Variants in AGPAT4 observed in about 807,000 individuals in gnomAD.
AGPAT4 encodes 1-acyl-sn-glycerol-3-phosphate acyltransferase delta.
Under a neutral mutation model 48.0 loss-of-function variants are expected in AGPAT4, and 15 were observed. That is an observed-to-expected ratio of 0.31 (90% CI 0.21 to 0.48). AGPAT4 has a LOEUF of 0.48. Ranked by LOEUF, AGPAT4 falls within the 20% of genes least tolerant of loss-of-function variation. The probability of loss-of-function intolerance (pLI) is 0.99; values close to 1 mark genes in which losing one functional copy is unlikely to be tolerated. For synonymous variants in AGPAT4, 178 were observed against 198.7 expected, an observed-to-expected ratio of 0.90 and a Z score of 0.88; for missense variants, 314 against 482.5, an observed-to-expected ratio of 0.65 and a Z score of 3.27.
rs1243494911 is a variant in AGPAT4, at chr6:161,161,928, C to T, written c.348+4320G>A. On this transcript the variant is annotated intron_variant, in intron 3 of 8. Transcript: ENST00000320285. This position sits in a 1 kb window ranked among gnomAD's most constrained non-coding sequence, Gnocchi z 4.6. Reference sequence around the variant, plus strand: ...ATGCCACTCTCCTCCTCTCACCTTTCTCTGTGCAAAGAAATGCAATGCTGC... The same window carrying T: ...ATGCCACTCTCCTCCTCTCACCTTTTTCTGTGCAAAGAAATGCAATGCTGC... The T allele has an allele frequency of 5.5e-6, 1 of 181,250 alleles. No homozygotes were observed. The highest frequency in any genetic ancestry group is 1.2e-5 in the Non-Finnish European group (1 of 83,964). 11.2% of individuals were successfully genotyped at this position (181,250 alleles called of 1,614,324 possible). A position where few individuals can be genotyped will look rare whatever the true frequency, so the allele number is the denominator to read the frequency against.
In AGPAT4 at chr6:161,134,213, A is replaced by AAGAG. The variant is rs1562560713; in HGVS notation, c.*2323_*2326dup. ...CTTGGCGCTCACTTAGTTATTTCCT[A>AAGAG]AGAGATTTCTGCCTGCATTCCTCCA... On this transcript the variant is annotated 3_prime_UTR_variant, in exon 9 of 9. Coordinates refer to ENST00000320285, the MANE Select transcript of AGPAT4 (RefSeq NM_020133.3). 6.6e-6 allele frequency: 1 copy of AAGAG among 152,184 alleles called. No individual in the cohort carries two copies. Among genetic ancestry groups the AAGAG allele is most frequent in the Non-Finnish European group, 1.5e-5 (1 of 68,038 alleles). The allele number at this position is 152,184 out of a possible 1,614,324, so 9.4% of individuals were successfully genotyped here.
intron 5 of AGPAT4, among the ~76,000 whole-genome samples, chr6:161,151,325 C>T (rs565822282): frequency 1.3e-5 from 2 of 152,334 alleles, no homozygotes; most frequent in South Asian, 2.1e-4. Context: ...CAGGGCCTGG[C>T]GTGCCAGACG....
chr6:161,162,436 A>G (rs1057265412), intron 3 of AGPAT4, among the ~76,000 whole-genome samples: 3 of 152,180 alleles, frequency 2.0e-5, no homozygotes, highest in Admixed American at 2.0e-4. Flanking sequence ...TCAGGGGTGC[A>G]GTTGCCATAT....
At chr6:161,150,453 C>T (rs1779555487) in intron 5 of AGPAT4, among the ~76,000 whole-genome samples, 1 of 152,204 alleles carries the variant, frequency 6.6e-6, no homozygotes. Context: ...GGGAGCTTTA[C>T]ATATGTGCAA....
rs55977455 is a variant in AGPAT4, at chr6:161,266,632, G to T, written c.-90+7306C>A. ...ACCCACACAAAAGGCCGAAGAATCT[G>T]CTCACCATCCGCCTTGCAACCTGCC... is the stretch of plus-strand genomic sequence containing the variant. On this transcript the variant is annotated intron_variant, in intron 1 of 8. Transcript: ENST00000320285. This position sits in a 1 kb window ranked among gnomAD's most constrained non-coding sequence, Gnocchi z 6.2. Among the ~76,000 whole-genome samples, 15,099 of 152,150 alleles carry T rather than the reference G, an allele frequency of 0.099. 1,054 individuals carry two copies. The highest frequency in any genetic ancestry group is 0.14 in the Non-Finnish European group (9,653 of 67,978).
intron 3 of AGPAT4, chr6:161,160,043 T>G (rs889514214): frequency 1.5e-4 from 23 of 151,630 alleles, no homozygotes; most frequent in African/African-American, 5.3e-4. Flanking sequence ...GTTCAAGCGA[T>G]TCTCCCACCT....
At chr6:161,193,852 T>TAAG (rs34955602) in intron 2 of AGPAT4, among the ~76,000 whole-genome samples, 27,230 of 152,164 alleles carry the variant, frequency 0.18, 4,355 homozygotes, top group African/African-American at 0.44. Context: ...TCGATACTTT[T>TAAG]AAGATTTAAA....
At chr6:161,248,349 C>G (rs555778593) in intron 1 of AGPAT4, among the ~76,000 whole-genome samples, 1 of 151,938 alleles carries the variant, frequency 6.6e-6, no homozygotes, top group Non-Finnish European at 1.5e-5. Context: ...CCGAGACGGG[C>G]GGATCATGAG....
At position 161,147,502 on chromosome 6, in the gene AGPAT4, G is replaced by T. The variant is rs1157412121; in HGVS notation, c.768-903C>A. ...TAAGAATATCTTAGTAAGAAGATTT[G>T]AGAGTTTATCTATCACACTAGAGTC... is the stretch of plus-strand genomic sequence containing the variant. On this transcript the variant is annotated intron_variant, in intron 6 of 8. Transcript: ENST00000320285. This position sits in a 1 kb window ranked among gnomAD's most constrained non-coding sequence, Gnocchi z 4.8. Among the ~76,000 whole-genome samples, 2 of 152,138 alleles carry T rather than the reference G, an allele frequency of 1.3e-5. No homozygotes were observed. Among genetic ancestry groups the T allele is most frequent in the African/African-American group, 4.8e-5 (2 of 41,404 alleles).
At position 161,234,400 on chromosome 6, in the gene AGPAT4, C is replaced by A. The variant is rs1444368865; in HGVS notation, c.-89-2098G>T. 6.6e-6 allele frequency among the ~76,000 whole-genome samples: 1 copy of A among 152,118 alleles called. No individual in the cohort carries two copies. The highest frequency in any genetic ancestry group is 1.5e-5 in the Non-Finnish European group (1 of 68,030). ...TCCACTCTCTGGCACAAATCCAGGCCCTGCAGGGTCTGAATCATCACATCT... is the reference window on the plus strand; with the variant it reads ...TCCACTCTCTGGCACAAATCCAGGCACTGCAGGGTCTGAATCATCACATCT... On this transcript the variant is annotated intron_variant, in intron 1 of 8. Transcript: ENST00000320285. The surrounding 1 kb of genome is among the most constrained non-coding windows in gnomAD (Gnocchi z 4.4).
rs1185660143 is a variant in AGPAT4, at chr6:161,220,511, T to G, written c.178+11525A>C. 1.3e-5 allele frequency among the ~76,000 whole-genome samples: 2 copies of G among 152,146 alleles called. No homozygotes were observed. The highest frequency in any genetic ancestry group is 2.4e-5 in the African/African-American group (1 of 41,428). ...GAACGGATGGCCTTGGTGAGATGAC[T>G]TCATTTTATAGTTCCTCAAGCAGAG... On this transcript the variant is annotated intron_variant, in intron 2 of 8. Coordinates refer to ENST00000320285, the MANE Select transcript of AGPAT4 (RefSeq NM_020133.3). This position sits in a 1 kb window ranked among gnomAD's most constrained non-coding sequence, Gnocchi z 6.0.
chr6:161,253,455 G>A (rs576541308), intron 1 of AGPAT4, among the ~76,000 whole-genome samples: 116 of 151,010 alleles, frequency 7.7e-4, no homozygotes, highest in African/African-American at 2.4e-3. Context: ...GGGGTTTCAC[G>A]GTGTTAGCCA....
chr6:161,259,080 G>A lies in AGPAT4; in HGVS notation c.-90+14858C>T, dbSNP rs917812720. 1.3e-5 allele frequency among the ~76,000 whole-genome samples: 2 copies of A among 152,134 alleles called. No individual in the cohort carries two copies. Among genetic ancestry groups the A allele is most frequent in the East Asian group, 1.9e-4 (1 of 5,186 alleles). On this transcript the variant is annotated intron_variant, in intron 1 of 8. Coordinates refer to ENST00000320285, the MANE Select transcript of AGPAT4 (RefSeq NM_020133.3). This position sits in a 1 kb window ranked among gnomAD's most constrained non-coding sequence, Gnocchi z 4.9. ...CCCAAAGTGCTGGGATTACAGGTGT[G>A]AGCCACGGTACCCGGCCTTAAATTC...
Position 161,214,764 on chromosome 6 carries a change from G to A in AGPAT4, c.178+17272C>T, listed in dbSNP as rs763578853. Among the ~76,000 whole-genome samples, 19 of 152,084 alleles carry A rather than the reference G, an allele frequency of 1.2e-4. No homozygotes were observed. Among genetic ancestry groups the A allele is most frequent in the African/African-American group, 1.9e-4 (8 of 41,404 alleles). On this transcript the variant is annotated intron_variant, in intron 2 of 8. Coordinates refer to ENST00000320285, the MANE Select transcript of AGPAT4 (RefSeq NM_020133.3). This position sits in a 1 kb window ranked among gnomAD's most constrained non-coding sequence, Gnocchi z 5.4. ...AGCCTGGGTGACAGAGGAAGACTCC[G>A]TCTCAAAATAAATAAATAAATAAAT...
rs970757507 is a variant in AGPAT4, at chr6:161,226,759, TGA to T, written c.178+5275_178+5276del. ...GAGAGGTTACCATAGAGGAGGCTCCTGAGAGGCCACCTTGCCTTCCCTGTGCT... is the reference window on the plus strand; with the variant it reads ...GAGAGGTTACCATAGAGGAGGCTCCTGAGGCCACCTTGCCTTCCCTGTGCT... On this transcript the variant is annotated intron_variant, in intron 2 of 8. Coordinates refer to ENST00000320285, the MANE Select transcript of AGPAT4 (RefSeq NM_020133.3). The surrounding 1 kb of genome is among the most constrained non-coding windows in gnomAD (Gnocchi z 6.3). Among the ~76,000 whole-genome samples the T allele has an allele frequency of 1.3e-5, 2 of 152,162 alleles. No homozygotes were observed. The highest frequency in any genetic ancestry group is 4.8e-5 in the African/African-American group (2 of 41,438).
chr6:161,152,374 G>C (rs1174653618), intron 5 of AGPAT4, among the ~76,000 whole-genome samples: 2 of 152,170 alleles, frequency 1.3e-5, no homozygotes, highest in African/African-American at 4.8e-5. Context: ...GCTGGCCCGG[G>C]TGTGCAGCAG....
Position 161,136,509 on chromosome 6 carries a change from G to C in AGPAT4, c.*31C>G. On this transcript the variant is annotated 3_prime_UTR_variant, in exon 9 of 9. Coordinates refer to ENST00000320285, the MANE Select transcript of AGPAT4 (RefSeq NM_020133.3). ...TATGCAGAGGCCACCAGTTCCCCAA[G>C]GTTCCCTTCGGATGGTGACACCTCC... The C allele has an allele frequency of 6.2e-7, 1 of 1,600,864 alleles. No homozygotes were observed. The highest frequency in any genetic ancestry group is 8.6e-7 in the Non-Finnish European group (1 of 1,168,408).
At chr6:161,152,822 A>G (rs1467409301) in intron 5 of AGPAT4, among the ~76,000 whole-genome samples, 1 of 152,198 alleles carries the variant, frequency 6.6e-6, no homozygotes, top group Non-Finnish European at 1.5e-5. Flanking sequence ...AAGGACACAG[A>G]GGGTGTTTCT....
intron 2 of AGPAT4, among the ~76,000 whole-genome samples, chr6:161,209,010 CAGGAA>C (rs1781453937): frequency 1.3e-5 from 2 of 152,228 alleles, no homozygotes; most frequent in South Asian, 4.1e-4. Context: ...GCACATCGAA[CAGGAA>C]AGGCTGACTT....
Sources: gnomAD v4.1 joint callset for allele counts (sites outside exome capture counted in the v4.1 genomes callset) on GRCh38, gnomAD v4.1.1 for gene constraint, Gnocchi (gnomAD v3.1) non-coding constraint, MANE v1.5 for transcripts, NCBI Gene and HGNC (gene_info 2026-07-23, HGNC 2026-07-21) for gene names.